Variants in BARD1 observed in about 807,000 individuals in gnomAD.
The protein encoded by BARD1 is BRCA1-associated RING domain protein 1.
A neutral mutation model predicts 77.0 loss-of-function variants in BARD1; 73 were observed. The observed-to-expected ratio is 0.95, with a 90% CI of 0.79 to 1.15. The LOEUF is 1.15. Among genes scored for constraint, BARD1 ranks in the 50% most tolerant of loss-of-function variants. BARD1 has a pLI of 0.00. For missense variants in BARD1, 993 were observed against 938.8 expected, an observed-to-expected ratio of 1.06 and a Z score of -0.75; for synonymous variants, 384 against 338.0, an observed-to-expected ratio of 1.14 and a Z score of -1.49.
intron 6 of BARD1, among the ~76,000 whole-genome samples, chr2:214,755,673 G>T (rs145516863): frequency 6.6e-6 from 1 of 152,272 alleles, no homozygotes; most frequent in Non-Finnish European, 1.5e-5. Flanking sequence ...TGAAATGGAT[G>T]CAACTGATGG....
At chr2:214,731,070 G>A in intron 9 of BARD1, 1 of 296,122 alleles carries the variant, frequency 3.4e-6, no homozygotes, top group South Asian at 3.2e-5. Flanking sequence ...GCTTGGGATA[G>A]GTTTGGCATG....
intron 6 of BARD1, among the ~76,000 whole-genome samples, chr2:214,756,987 T>A (rs1388875841): frequency 1.3e-5 from 2 of 151,962 alleles, no homozygotes; most frequent in Admixed American, 6.6e-5. Context: ...AATAAAAAAA[T>A]TATAATAAAT....
intron 4 of BARD1, among the ~76,000 whole-genome samples, chr2:214,779,894 T>C (rs766008997): frequency 3.3e-5 from 5 of 152,204 alleles, no homozygotes; most frequent in Admixed American, 6.6e-5. Context: ...CTATTTCACA[T>C]GTAGTGTTTG....
At chr2:214,799,521 C>A (rs946680126) in intron 1 of BARD1, among the ~76,000 whole-genome samples, 1 of 152,074 alleles carries the variant, frequency 6.6e-6, no homozygotes. Context: ...ATCTCTTCAC[C>A]AGTCATCTTA....
chr2:214,769,253 G>T lies in BARD1; in HGVS notation c.1374C>A (p.Asp458Glu), dbSNP rs1553619701. The T allele has an allele frequency of 6.2e-7, 1 of 1,613,324 alleles. No homozygotes were observed. The highest frequency in any genetic ancestry group is 8.5e-7 in the Non-Finnish European group (1 of 1,179,322). ...CTACCAATGGTGTCCATCCAGCATG[G>T]TCTTTAACATTTGGATCACTTCCAT... Reference protein sequence around the residue: ...LQNGSDPNVKDHAGWTPLHEA... With the variant: ...LQNGSDPNVKEHAGWTPLHEA... The change falls in exon 5 of 11, where the codon GAC (aspartate) becomes GAA (glutamate). Residue 458 changes from aspartate (D) to glutamate (E), a missense_variant. Physicochemically the swap from Asp to Glu is conservative, Grantham distance 45. Coordinates refer to ENST00000260947, the MANE Select transcript of BARD1 (RefSeq NM_000465.4).
chr2:214,752,504 T>A lies in BARD1; in HGVS notation c.1620A>T (p.Lys540Asn), dbSNP rs747076015. The change falls in exon 7 of 11, where the codon AAA (lysine) becomes AAT (asparagine). Residue 540 changes from lysine (K) to asparagine (N), a missense_variant. By Grantham distance (94) the Lys-to-Asn change is moderately conservative. Coordinates refer to ENST00000260947, the MANE Select transcript of BARD1 (RefSeq NM_000465.4). The stretch of plus-strand genomic sequence containing the variant: ...TCTTCTCTGGTAGCAGCAATAGCGA[T>A]TTCATACTTTCATCATCTGTATAAT... ...PVDYTDDESM[K>N]SLLLLPEKNE... 1.9e-6 allele frequency: 3 copies of A among 1,613,792 alleles called. No homozygotes were observed. In the East Asian group the frequency reaches 6.7e-5, roughly 36 times the overall value.
chr2:214,775,752 G>A (rs1057495729), intron 4 of BARD1, among the ~76,000 whole-genome samples: 1 of 152,190 alleles, frequency 6.6e-6, no homozygotes, highest in Non-Finnish European at 1.5e-5. Flanking sequence ...GGCACAATAA[G>A]TTACTGGTAT....
At chr2:214,741,751 T>C (rs1308612509) in intron 9 of BARD1, among the ~76,000 whole-genome samples, 2 of 152,200 alleles carry the variant, frequency 1.3e-5, no homozygotes, top group Non-Finnish European at 2.9e-5. Flanking sequence ...CTGGATGGTC[T>C]GTAAAATTAT....
At chr2:214,742,810 T>C (rs1692906983) in intron 9 of BARD1, among the ~76,000 whole-genome samples, 1 of 152,214 alleles carries the variant, frequency 6.6e-6, no homozygotes, top group African/African-American at 2.4e-5. Flanking sequence ...GTAAATGTCT[T>C]AACATTCAAA....
chr2:214,796,524 C>G (rs1322872025), intron 2 of BARD1, among the ~76,000 whole-genome samples: 1 of 152,170 alleles, frequency 6.6e-6, no homozygotes, highest in Non-Finnish European at 1.5e-5. Flanking sequence ...CAAGGAACAG[C>G]AAAGATTGCT....
intron 10 of BARD1, among the ~76,000 whole-genome samples, chr2:214,729,502 A>G (rs1468709329): frequency 6.6e-6 from 1 of 152,210 alleles, no homozygotes; most frequent in Non-Finnish European, 1.5e-5. Context: ...TATTTCAAGC[A>G]TACTAACTGG....
intron 6 of BARD1, among the ~76,000 whole-genome samples, chr2:214,765,847 G>A (rs186706787): frequency 6.6e-6 from 1 of 152,264 alleles, no homozygotes. Context: ...AGATAAAAGA[G>A]ATTAGACACA....
chr2:214,768,686 G>C (rs1420019186), intron 5 of BARD1, among the ~76,000 whole-genome samples: 7 of 152,198 alleles, frequency 4.6e-5, no homozygotes, highest in Non-Finnish European at 1.0e-4. Context: ...TTGTTTCCAA[G>C]TATTTGTGTC....
chr2:214,736,053 A>G (rs2106000449), intron 9 of BARD1, among the ~76,000 whole-genome samples: 1 of 152,238 alleles, frequency 6.6e-6, no homozygotes, highest in Non-Finnish European at 1.5e-5. Context: ...CGAATCTTAT[A>G]ATTTTAAATT....
rs757569689 is a variant in BARD1 at position 214,792,380 on chromosome 2, T to G, written c.281A>C (p.Asp94Ala). ...PVCYTPAWIQ[D>A]LKINRQLDSM... ...GTCCAGTTGTCTATTTATCTTCAAG[T>G]CTTGTATCCAGGCCGGGGTGTAACA... The change falls in exon 3 of 11, where the codon GAC becomes GCC. Residue 94 changes from aspartate (D) to alanine (A), a missense_variant. Transcript: ENST00000260947. The G allele has an allele frequency of 8.7e-6, 14 of 1,612,886 alleles. No homozygotes were observed. The Admixed American group carries it at 1.7e-4, about 19-fold the overall frequency.
chr2:214,794,594 A>G (rs1695674788), intron 2 of BARD1, among the ~76,000 whole-genome samples: 2 of 150,898 alleles, frequency 1.3e-5, no homozygotes, highest in Admixed American at 1.3e-4. Flanking sequence ...AATTTTTTTA[A>G]AAAGTCTCAG....
chr2:214,749,047 C>G (rs2106028762), intron 7 of BARD1, among the ~76,000 whole-genome samples: 1 of 152,126 alleles, frequency 6.6e-6, no homozygotes, highest in South Asian at 2.1e-4. Flanking sequence ...GTACAACACA[C>G]CAGGGGAAGG....
Position 214,781,381 on chromosome 2 carries a change from T to A in BARD1, c.493A>T (p.Thr165Ser), listed in dbSNP as rs876658147. ...GCATCTTTTTTTATTGCAGGCTGGG[T>A]TTGCACTGAAGCTTTACTCACAACA... ...RYVVSKASVQTQPAIKKDASA... is the reference protein window; with the variant it reads ...RYVVSKASVQSQPAIKKDASA... The change falls in exon 4 of 11, where the codon ACC becomes TCC. Residue 165 changes from threonine (T) to serine (S), a missense_variant. Thr to Ser is a moderately conservative substitution (Grantham distance 58). Transcript: ENST00000260947. 4 of 1,613,670 alleles carry A rather than the reference T, an allele frequency of 2.5e-6. No homozygotes were observed. The highest frequency in any genetic ancestry group is 3.4e-6 in the Non-Finnish European group (4 of 1,179,928).
At chr2:214,805,056 G>C (rs1191917172) in intron 1 of BARD1, among the ~76,000 whole-genome samples, 3 of 152,124 alleles carry the variant, frequency 2.0e-5, no homozygotes, top group African/African-American at 4.8e-5. Flanking sequence ...AGCTACTCAG[G>C]AGGCTGAGGC....
Sources: allele counts gnomAD v4.1 joint callset (sites outside exome capture counted in the v4.1 genomes callset), GRCh38; gene constraint gnomAD v4.1.1; transcripts MANE v1.5; gene names NCBI Gene and HGNC (gene_info 2026-07-23, HGNC 2026-07-21).